SDK1: variants seen among roughly 807,000 people sequenced by gnomAD.
The protein encoded by SDK1 is protein sidekick-1.
In SDK1, 157 loss-of-function variants were observed where a neutral mutation model predicts 245.5. That is an observed-to-expected ratio of 0.64 (90% CI 0.56 to 0.73). The LOEUF (loss-of-function observed/expected upper bound fraction) is 0.73. Ranked by LOEUF, SDK1 falls within the 30% of genes least tolerant of loss-of-function variation. SDK1 has a pLI of 0.00. For missense variants in SDK1, 3,583 were observed against 3,002.3 expected, an observed-to-expected ratio of 1.19 and a Z score of -4.52; for synonymous variants, 1,647 against 1,278.5, an observed-to-expected ratio of 1.29 and a Z score of -6.15.
At chr7:3,984,889 T>G (rs558506920) in intron 13 of SDK1, among the ~76,000 whole-genome samples, 2 of 152,342 alleles carry the variant, frequency 1.3e-5, no homozygotes, top group African/African-American at 2.4e-5. Flanking sequence ...CTGGTCTCTC[T>G]GTGCAGGCCA....
intron 17 of SDK1, among the ~76,000 whole-genome samples, chr7:4,025,898 G>A (rs1050008975): frequency 1.3e-5 from 2 of 152,184 alleles, no homozygotes; most frequent in Non-Finnish European, 2.9e-5. Context: ...ATGTCCAACA[G>A]CAACCCTTCC....
chr7:3,963,077 C>G (rs1583651978), intron 9 of SDK1, among the ~76,000 whole-genome samples: 1 of 136,642 alleles, frequency 7.3e-6, no homozygotes, highest in South Asian at 2.6e-4. Flanking sequence ...TACACTCAGC[C>G]CCATGGCTAC....
chr7:3,518,721 C>T (rs978858631), intron 1 of SDK1, among the ~76,000 whole-genome samples: 1 of 152,004 alleles, frequency 6.6e-6, no homozygotes, highest in Non-Finnish European at 1.5e-5. Flanking sequence ...CTCTTACACA[C>T]TATGCAGGAA....
At chr7:3,613,222 G>A (rs1439206028) in intron 1 of SDK1, among the ~76,000 whole-genome samples, 1 of 152,160 alleles carries the variant, frequency 6.6e-6, no homozygotes, top group Non-Finnish European at 1.5e-5. Context: ...GAAGCCGGGG[G>A]ACGCAGGATG....
chr7:3,347,021 GT>G (rs1405483450), intron 1 of SDK1, among the ~76,000 whole-genome samples: 1 of 150,916 alleles, frequency 6.6e-6, no homozygotes, highest in Non-Finnish European at 1.5e-5. Flanking sequence ...ATTGGAGAGA[GT>G]TTCACTTCAT....
chr7:3,765,779 T>A (rs911419746), intron 4 of SDK1, among the ~76,000 whole-genome samples: 22 of 152,318 alleles, frequency 1.4e-4, no homozygotes, highest in Non-Finnish European at 3.1e-4. Context: ...TTGATTTTTT[T>A]TAAAAATTCT....
chr7:3,633,893 C>T (rs973305441), intron 2 of SDK1, among the ~76,000 whole-genome samples: 2 of 152,018 alleles, frequency 1.3e-5, no homozygotes, highest in Admixed American at 1.3e-4. Flanking sequence ...CTGCTGCTGG[C>T]CCCACCAAAT....
intron 12 of SDK1, among the ~76,000 whole-genome samples, chr7:3,973,386 C>G (rs571876595): frequency 6.6e-6 from 1 of 152,216 alleles, no homozygotes; most frequent in Non-Finnish European, 1.5e-5. Context: ...ACTTTCATTC[C>G]ATATAGCAAT....
intron 4 of SDK1, among the ~76,000 whole-genome samples, chr7:3,722,951 G>A (rs939015630): frequency 2.6e-5 from 4 of 152,188 alleles, no homozygotes; most frequent in Non-Finnish European, 4.4e-5. Flanking sequence ...CTTTCACCTG[G>A]AAATTGCTTT....
At chr7:3,631,136 G>C (rs1403015653) in intron 2 of SDK1, among the ~76,000 whole-genome samples, 1 of 152,074 alleles carries the variant, frequency 6.6e-6, no homozygotes, top group Non-Finnish European at 1.5e-5. Context: ...GTTTCACCAT[G>C]TTGCCCAGGC....
At chr7:4,031,023 A>G (rs1787774663) in intron 17 of SDK1, among the ~76,000 whole-genome samples, 1 of 152,156 alleles carries the variant, frequency 6.6e-6, no homozygotes, top group Non-Finnish European at 1.5e-5. Flanking sequence ...ATTCACATAC[A>G]TGCGCAAACA....
intron 34 of SDK1, among the ~76,000 whole-genome samples, chr7:4,177,001 C>T (rs572433329): frequency 6.6e-6 from 1 of 152,218 alleles, no homozygotes; most frequent in South Asian, 2.1e-4. Flanking sequence ...ACACACAGAA[C>T]TTGGCTGGTT....
intron 12 of SDK1, among the ~76,000 whole-genome samples, chr7:3,972,907 C>T (rs76084826): frequency 0.015 from 2,307 of 152,298 alleles, 14 homozygotes; most frequent in Non-Finnish European, 0.022. Context: ...AAGTGAAAGA[C>T]GACCTAGGAC....
chr7:4,187,769 T>C (rs1165258711), intron 35 of SDK1, among the ~76,000 whole-genome samples: 2 of 152,210 alleles, frequency 1.3e-5, no homozygotes, highest in African/African-American at 2.4e-5. Flanking sequence ...AACGTTTTTA[T>C]GGTGTGAATG....
chr7:3,658,650 C>T (rs1434376240), intron 4 of SDK1, among the ~76,000 whole-genome samples: 2 of 133,768 alleles, frequency 1.5e-5, no homozygotes, highest in Non-Finnish European at 3.1e-5. Flanking sequence ...CACAGTCTGT[C>T]ATCCAGGCTG....
At chr7:3,992,622 G>A (rs895080820) in intron 14 of SDK1, among the ~76,000 whole-genome samples, 2 of 152,140 alleles carry the variant, frequency 1.3e-5, no homozygotes, top group African/African-American at 2.4e-5. Flanking sequence ...AATGCTTATC[G>A]ATTATGATCA....
intron 1 of SDK1, among the ~76,000 whole-genome samples, chr7:3,595,863 CA>C (rs1158911718): frequency 2.2e-5 from 2 of 92,010 alleles, no homozygotes; most frequent in African/African-American, 8.1e-5. Flanking sequence ...AAAACAACAA[CA>C]AAAAAGGAGG....
intron 16 of SDK1, among the ~76,000 whole-genome samples, chr7:4,012,582 T>C (rs2128149860): frequency 9.7e-6 from 1 of 103,458 alleles, no homozygotes; most frequent in African/African-American, 4.0e-5. Flanking sequence ...TTTTTTTTTT[T>C]TTTTTTTTTT....
chr7:3,963,777 A>G (rs1290624725), intron 9 of SDK1, among the ~76,000 whole-genome samples: 4 of 152,014 alleles, frequency 2.6e-5, no homozygotes, highest in Admixed American at 1.3e-4. Flanking sequence ...GGGTACACCC[A>G]GGCTCACAGC....
Sources: allele counts gnomAD v4.1 joint callset (sites outside exome capture counted in the v4.1 genomes callset), GRCh38; gene constraint gnomAD v4.1.1; transcripts MANE v1.5; gene names NCBI Gene and HGNC (gene_info 2026-07-23, HGNC 2026-07-21).